NDUFB2: variants seen among roughly 807,000 people sequenced by gnomAD.
NDUFB2 encodes the protein NADH:ubiquinone oxidoreductase subunit B2.
In NDUFB2, 13 loss-of-function variants were observed where a neutral mutation model predicts 13.4. The observed-to-expected ratio is 0.97, with a 90% CI of 0.63 to 1.54. The LOEUF (loss-of-function observed/expected upper bound fraction) is 1.54. Ranked by LOEUF, NDUFB2 falls within the 40% of genes most tolerant of loss-of-function variation. The pLI is 0.00. For missense variants in NDUFB2, 150 were observed against 139.7 expected (o/e 1.07, Z -0.37); for synonymous variants, 47 against 50.6 (o/e 0.93, Z 0.30).
chr7:140,696,732 G>A lies in NDUFB2; in HGVS notation c.-13G>A, dbSNP rs1466656690. The A allele has an allele frequency of 6.3e-7, 1 of 1,577,028 alleles. No homozygotes were observed. On this transcript the variant is annotated 5_prime_UTR_variant, in exon 1 of 4. Transcript: ENST00000247866. Reference sequence around the variant, plus strand: ...CGAGGCGGCTGGGGACCGCGGGGCGGACGGGAGCGAGTATGTCCGCTCTGA... The same window carrying A: ...CGAGGCGGCTGGGGACCGCGGGGCGAACGGGAGCGAGTATGTCCGCTCTGA...
chr7:140,703,563 C>T (rs1002281672), intron 2 of NDUFB2, among the ~76,000 whole-genome samples: 4 of 151,992 alleles, frequency 2.6e-5, no homozygotes, highest in Non-Finnish European at 2.9e-5. Flanking sequence ...GCGTGAGCCA[C>T]CGCGCCTGGC....
At chr7:140,706,211 C>G (rs1794972185) in intron 3 of NDUFB2, 1 of 152,068 alleles carries the variant, frequency 6.6e-6, no homozygotes, top group African/African-American at 2.4e-5. Flanking sequence ...CCGCCTCAGC[C>G]TTCTCAGTAG....
At position 140,704,890 on chromosome 7, in the gene NDUFB2, TG is replaced by T. The variant is rs1336614883; in HGVS notation, c.276del (p.Trp92Ter). On this transcript the variant is annotated frameshift_variant, in exon 3 of 4. Coordinates refer to ENST00000247866, the MANE Select transcript of NDUFB2 (RefSeq NM_004546.3). LOFTEE classifies it high-confidence loss of function. Reference protein sequence around the residue: ...GHFPYPDPSQWTDEELGIPPD... With the variant: ...GHFPYPDPSQXTDEELGIPPD... ...CTTTCCGTATCCTGATCCTTCCCAG[TG>T]GACAGATGAAGAATTAGGTATCCCT... 2 of 1,604,264 alleles carry T rather than the reference TG, an allele frequency of 1.2e-6. No individual in the cohort carries two copies. Among genetic ancestry groups the T allele is most frequent in the Non-Finnish European group, 1.7e-6 (2 of 1,175,956 alleles).
chr7:140,702,781 T>C, intron 1 of NDUFB2, 85 bp from the exon 2 acceptor site: 1 of 1,499,904 alleles, frequency 6.7e-7, no homozygotes, highest in East Asian at 2.3e-5. Context: ...TAGCGTTGGT[T>C]CTAGGATGTA....
chr7:140,706,068 A>ATGT, intron 3 of NDUFB2: 2 of 147,434 alleles, frequency 1.4e-5, no homozygotes, highest in Non-Finnish European at 1.5e-5. Flanking sequence ...GTTTTATGTT[A>ATGT]TGTTATGTTA....
intron 1 of NDUFB2, chr7:140,701,963 C>T: frequency 1.5e-6 from 1 of 678,696 alleles, no homozygotes; most frequent in East Asian, 2.7e-5. Context: ...ACAAACAGTC[C>T]TAGCTAACAT....
chr7:140,706,055 TATGTTTTATGTTATG>T (rs1216373592), intron 3 of NDUFB2: 12 of 145,260 alleles, frequency 8.3e-5, no homozygotes, highest in Non-Finnish European at 1.2e-4. Context: ...TATGTTATGT[TATGTTTTATGTTATG>T]TTATGTTATG....
At position 140,697,562 on chromosome 7, in the gene NDUFB2, A is replaced by G. The variant is rs557487580; in HGVS notation, c.98+720A>G. Among the ~76,000 whole-genome samples, 17 of 152,186 alleles carry G rather than the reference A, an allele frequency of 1.1e-4. No individual in the cohort carries two copies. In the South Asian group the frequency reaches 1.7e-3, roughly 15 times the overall value. Reference sequence around the variant, plus strand: ...AGGGAGCAGCTGCCGAAGCCGAGTTAGTGGTGTGCAGAGATTCCGTAAGAG... The same window carrying G: ...AGGGAGCAGCTGCCGAAGCCGAGTTGGTGGTGTGCAGAGATTCCGTAAGAG... On this transcript the variant is annotated intron_variant, in intron 1 of 3. Transcript: ENST00000247866.
chr7:140,704,367 C>T (rs982149374), intron 2 of NDUFB2, among the ~76,000 whole-genome samples: 1 of 152,136 alleles, frequency 6.6e-6, no homozygotes, highest in African/African-American at 2.4e-5. Context: ...GTGCCCCTGC[C>T]TCACTGTAGG....
intron 1 of NDUFB2, among the ~76,000 whole-genome samples, chr7:140,701,289 A>G (rs1360374352): frequency 6.6e-6 from 1 of 152,238 alleles, no homozygotes. Flanking sequence ...TAATAATTAC[A>G]GGCCTTATCA....
intron 1 of NDUFB2, chr7:140,698,007 T>C: frequency 7.8e-7 from 1 of 1,288,980 alleles, no homozygotes; most frequent in Non-Finnish European, 1.0e-6. Flanking sequence ...CTCACTAAAG[T>C]GTTTAAAACA....
At chr7:140,696,962 C>T in intron 1 of NDUFB2, 120 bp downstream of exon 1, 1 of 889,822 alleles carries the variant, frequency 1.1e-6, no homozygotes. Context: ...ATGCTGGGAC[C>T]TGTAGTCCGC....
intron 3 of NDUFB2, 106 bp downstream of exon 3, chr7:140,705,069 C>G: frequency 1.9e-6 from 1 of 524,546 alleles, no homozygotes; most frequent in Non-Finnish European, 3.2e-6. Context: ...ATTCTAACAG[C>G]ATGAAGTTGA....
intron 1 of NDUFB2, chr7:140,702,102 TTC>T (rs1450172228): frequency 1.5e-6 from 1 of 687,892 alleles, no homozygotes; most frequent in African/African-American, 1.8e-5. Flanking sequence ...TACAAGCTGA[TTC>T]TTATCTAGAT....
intron 1 of NDUFB2, chr7:140,697,208 G>T (rs1177742895): frequency 6.2e-6 from 4 of 647,730 alleles, no homozygotes; most frequent in East Asian, 2.7e-5. Context: ...GGAGCGAGGC[G>T]GGGGGCGGCG....
chr7:140,699,380 T>G (rs1157625558), intron 1 of NDUFB2, among the ~76,000 whole-genome samples: 1 of 152,160 alleles, frequency 6.6e-6, no homozygotes, highest in Non-Finnish European at 1.5e-5. Flanking sequence ...CGTGCTTCTC[T>G]TAGTCTCTTG....
At chr7:140,705,930 T>C (rs1025747227) in intron 3 of NDUFB2, among the ~76,000 whole-genome samples, 1 of 152,004 alleles carries the variant, frequency 6.6e-6, no homozygotes, top group Non-Finnish European at 1.5e-5. Context: ...AAAAGGGAGG[T>C]ACTAAGAAGG....
chr7:140,697,885 A>G (rs1171315478), intron 1 of NDUFB2, among the ~76,000 whole-genome samples: 2 of 152,128 alleles, frequency 1.3e-5, no homozygotes, highest in Admixed American at 6.6e-5. Context: ...GGCAGGCTGG[A>G]GTGCAGTGGC....
chr7:140,701,371 T>A (rs1005136288), intron 1 of NDUFB2, among the ~76,000 whole-genome samples: 2 of 152,134 alleles, frequency 1.3e-5, no homozygotes, highest in South Asian at 2.1e-4. Context: ...TGGTAAACAC[T>A]CAATAACTAC....
Sources: gnomAD v4.1 joint callset for allele counts (sites outside exome capture counted in the v4.1 genomes callset) on GRCh38, gnomAD v4.1.1 for gene constraint, MANE v1.5 for transcripts, NCBI Gene and HGNC (gene_info 2026-07-23, HGNC 2026-07-21) for gene names.